NRXN1: variants seen among roughly 807,000 people sequenced by gnomAD.
The protein encoded by NRXN1 is neurexin-1.
A neutral mutation model predicts 150.9 loss-of-function variants in NRXN1; 39 were observed. That is an observed-to-expected ratio of 0.26 (90% CI 0.20 to 0.34). The LOEUF (loss-of-function observed/expected upper bound fraction) is 0.34, where lower values mean the gene tolerates loss of function less well. Ranked by LOEUF, NRXN1 falls within the 10% of genes least tolerant of loss-of-function variation. NRXN1 has a pLI of 1.00. For synonymous variants in NRXN1, 924 were observed against 757.0 expected (o/e 1.22, Z -3.62); for missense variants, 1,815 against 1,949.9 (o/e 0.93, Z 1.30).
chr2:50,612,240 T>C (rs1678276038), intron 8 of NRXN1, among the ~76,000 whole-genome samples: 1 of 112,474 alleles, frequency 8.9e-6, no homozygotes, highest in African/African-American at 2.8e-5. Flanking sequence ...GTACCTCTTT[T>C]CATGCTTAGA....
At chr2:50,293,527 C>G (rs2073197452) in intron 17 of NRXN1, among the ~76,000 whole-genome samples, 1 of 152,084 alleles carries the variant, frequency 6.6e-6, no homozygotes, top group South Asian at 2.1e-4. Flanking sequence ...GAACAAAATT[C>G]AATACTGCTT....
chr2:50,490,356 G>A lies in NRXN1; in HGVS notation c.3070+5549C>T, dbSNP rs1210763512. On this transcript the variant is annotated intron_variant, in intron 15 of 22. Transcript: ENST00000401669. ...AGAAAATTACCCTGCTCTTTTGTCAGGGGTTACAGACGGCCTTCCAACCCA... is the reference window on the plus strand; with the variant it reads ...AGAAAATTACCCTGCTCTTTTGTCAAGGGTTACAGACGGCCTTCCAACCCA... 5.3e-5 allele frequency among the ~76,000 whole-genome samples: 8 copies of A among 152,260 alleles called. No homozygotes were observed. In the East Asian group the frequency reaches 1.5e-3, roughly 29 times the overall value.
chr2:50,602,764 T>C (rs1006883107), intron 8 of NRXN1, among the ~76,000 whole-genome samples: 1 of 152,190 alleles, frequency 6.6e-6, no homozygotes. Flanking sequence ...AGAAAGCATG[T>C]TTTGAATCTC....
At chr2:50,500,078 T>A (rs903854938) in intron 13 of NRXN1, among the ~76,000 whole-genome samples, 6 of 152,098 alleles carry the variant, frequency 3.9e-5, no homozygotes, top group Admixed American at 3.3e-4. Flanking sequence ...ATGTTTCATC[T>A]TAAAGTCTCT....
At chr2:50,251,159 G>C (rs1311784808) in intron 17 of NRXN1, among the ~76,000 whole-genome samples, 2 of 151,578 alleles carry the variant, frequency 1.3e-5, no homozygotes, top group East Asian at 1.9e-4. Flanking sequence ...ACATGTGTTA[G>C]CATTCATCCT....
At chr2:50,245,918 G>C (rs1003094484) in intron 17 of NRXN1, among the ~76,000 whole-genome samples, 1 of 151,562 alleles carries the variant, frequency 6.6e-6, no homozygotes, top group Non-Finnish European at 1.5e-5. Context: ...TATTCTTAGT[G>C]ATTTTTTTTT....
intron 15 of NRXN1, among the ~76,000 whole-genome samples, chr2:50,492,847 G>A (rs938486707): frequency 1.2e-4 from 19 of 152,158 alleles, no homozygotes; most frequent in Non-Finnish European, 2.4e-4. Flanking sequence ...GTTAAATTTG[G>A]CCTCAACATA....
At chr2:49,983,459 G>A (rs12470829) in intron 21 of NRXN1, among the ~76,000 whole-genome samples, 126,163 of 152,034 alleles carry the variant, frequency 0.83, 52,485 homozygotes, top group Middle Eastern at 0.88. Flanking sequence ...ATATTTTTAC[G>A]GGTCTTTTAA....
At chr2:50,994,816 T>C (rs1699027252) in intron 2 of NRXN1, among the ~76,000 whole-genome samples, 1 of 152,044 alleles carries the variant, frequency 6.6e-6, no homozygotes, top group Admixed American at 6.6e-5. Context: ...ATTAACTTCC[T>C]GAAAGGTACA....
At chr2:50,836,657 C>T (rs1266217460) in intron 5 of NRXN1, among the ~76,000 whole-genome samples, 2 of 152,014 alleles carry the variant, frequency 1.3e-5, no homozygotes, top group Non-Finnish European at 2.9e-5. Flanking sequence ...ATTTCCTCCC[C>T]TTTTAAGGCT....
chr2:50,015,972 C>A (rs1427583151), intron 21 of NRXN1, among the ~76,000 whole-genome samples: 1 of 152,038 alleles, frequency 6.6e-6, no homozygotes, highest in Admixed American at 6.6e-5. Context: ...TAAACTTACA[C>A]GGGCTAAATA....
At chr2:50,999,812 C>A (rs1470566633) in intron 2 of NRXN1, among the ~76,000 whole-genome samples, 2 of 151,902 alleles carry the variant, frequency 1.3e-5, no homozygotes, top group Non-Finnish European at 2.9e-5. Context: ...TAACATTAAC[C>A]AGTTTTCCCA....
chr2:50,008,130 C>G (rs1685072647), intron 21 of NRXN1, among the ~76,000 whole-genome samples: 1 of 152,130 alleles, frequency 6.6e-6, no homozygotes, highest in Admixed American at 6.6e-5. Context: ...TTAATTTCGT[C>G]TCCCCAAGTA....
chr2:50,067,566 T>C (rs373406928), intron 19 of NRXN1, among the ~76,000 whole-genome samples: 1 of 152,138 alleles, frequency 6.6e-6, no homozygotes. Context: ...GGTAACAAAA[T>C]ACAGAACTTA....
intron 2 of NRXN1, among the ~76,000 whole-genome samples, chr2:50,956,078 A>G (rs950116056): frequency 2.6e-5 from 4 of 152,048 alleles, no homozygotes; most frequent in African/African-American, 9.7e-5. Context: ...CAGGGAAGCA[A>G]GGCTAATACG....
At chr2:49,979,314 TAGAG>T (rs988600717) in intron 21 of NRXN1, among the ~76,000 whole-genome samples, 2 of 151,816 alleles carry the variant, frequency 1.3e-5, no homozygotes, top group African/African-American at 4.8e-5. Flanking sequence ...AACAAAAACT[TAGAG>T]GGAGGGGAAA....
At chr2:50,361,719 A>G (rs1444107851) in intron 17 of NRXN1, among the ~76,000 whole-genome samples, 1 of 152,178 alleles carries the variant, frequency 6.6e-6, no homozygotes, top group Non-Finnish European at 1.5e-5. Context: ...TAACAATAGA[A>G]AAAGAGGCAC....
At chr2:50,961,557 C>T (rs1418643457) in intron 2 of NRXN1, among the ~76,000 whole-genome samples, 2 of 151,680 alleles carry the variant, frequency 1.3e-5, no homozygotes, top group South Asian at 2.1e-4. Flanking sequence ...CTTTTATAGA[C>T]AGAGTAATGG....
At chr2:50,341,256 G>C (rs79794212) in intron 17 of NRXN1, among the ~76,000 whole-genome samples, 2,853 of 152,242 alleles carry the variant, frequency 0.019, 97 homozygotes, top group African/African-American at 0.066. Flanking sequence ...AGAACTGAAA[G>C]AAATGATGTT....
Sources: allele counts gnomAD v4.1 joint callset (sites outside exome capture counted in the v4.1 genomes callset), GRCh38; gene constraint gnomAD v4.1.1; transcripts MANE v1.5; gene names NCBI Gene and HGNC (gene_info 2026-07-23, HGNC 2026-07-21).